The following LRRC7 variants were observed in gnomAD, a reference collection of about 807,000 sequenced individuals.
LRRC7 encodes leucine rich repeat containing 7.
LRRC7 carries 23 observed loss-of-function variants against 175.7 expected under a neutral mutation model. The ratio of observed to expected loss-of-function variants is 0.13; its 90% CI spans 0.09 to 0.19. The LOEUF (loss-of-function observed/expected upper bound fraction) is 0.19. Among genes scored for constraint, LRRC7 ranks in the 10% least tolerant of loss-of-function variants. LRRC7 has a pLI of 1.00. For missense variants in LRRC7, 1,354 were observed against 1,904.7 expected, an observed-to-expected ratio of 0.71 and a Z score of 5.38; for synonymous variants, 685 against 680.9, an observed-to-expected ratio of 1.01 and a Z score of -0.09.
At chr1:69,919,849 G>A in intron 7 of LRRC7, 1 of 689,052 alleles carries the variant, frequency 1.5e-6, no homozygotes, top group Non-Finnish European at 2.5e-6. Flanking sequence ...GAGGATTGGG[G>A]GCCCAGGCCT....
chr1:69,930,820 C>A (rs1454633933), intron 7 of LRRC7, among the ~76,000 whole-genome samples: 1 of 147,770 alleles, frequency 6.8e-6, no homozygotes, highest in Non-Finnish European at 1.5e-5. Context: ...GAGGAACTGT[C>A]AAACACTTAT....
At chr1:69,825,963 T>C (rs1679863756) in intron 5 of LRRC7, 137 bp downstream of exon 5, 4 of 511,502 alleles carry the variant, frequency 7.8e-6, no homozygotes, top group Non-Finnish European at 1.3e-5. Context: ...ATGGGAAAAA[T>C]TAATCAGAAT....
intron 26 of LRRC7, among the ~76,000 whole-genome samples, chr1:70,113,997 C>T (rs1242651353): frequency 4.0e-5 from 6 of 151,616 alleles, no homozygotes; most frequent in South Asian, 2.1e-4. Context: ...CAGTTATTAC[C>T]GTAAATCATT....
At chr1:69,708,417 A>G (rs1041439283) in intron 2 of LRRC7, among the ~76,000 whole-genome samples, 5 of 152,124 alleles carry the variant, frequency 3.3e-5, no homozygotes, top group South Asian at 2.1e-4. Flanking sequence ...GAGTTCCTTA[A>G]AATATACCAC....
At chr1:69,800,433 A>G (rs766223622) in intron 4 of LRRC7, among the ~76,000 whole-genome samples, 5 of 151,936 alleles carry the variant, frequency 3.3e-5, no homozygotes, top group Admixed American at 6.6e-5. Context: ...AGTGTATTGT[A>G]GTTTTCTTTG....
chr1:70,072,076 C>T (rs1292115118), intron 23 of LRRC7, among the ~76,000 whole-genome samples: 1 of 152,108 alleles, frequency 6.6e-6, no homozygotes. Context: ...AGAGTTTTCC[C>T]TGTAAACTTT....
At chr1:69,877,116 TAGAC>T (rs1686113258) in intron 7 of LRRC7, among the ~76,000 whole-genome samples, 1 of 152,078 alleles carries the variant, frequency 6.6e-6, no homozygotes, top group Non-Finnish European at 1.5e-5. Flanking sequence ...AACCATGAGG[TAGAC>T]AGAGAAGAAA....
chr1:70,055,876 C>G (rs1398461164), intron 23 of LRRC7, among the ~76,000 whole-genome samples: 2 of 152,100 alleles, frequency 1.3e-5, no homozygotes, highest in African/African-American at 4.8e-5. Flanking sequence ...ATTCATAGAT[C>G]CAATATCATG....
chr1:69,886,110 A>G (rs1324812977), intron 7 of LRRC7, among the ~76,000 whole-genome samples: 1 of 151,222 alleles, frequency 6.6e-6, no homozygotes, highest in African/African-American at 2.4e-5. Flanking sequence ...TGGGGTGGAG[A>G]GTTCTGTAGA....
intron 26 of LRRC7, among the ~76,000 whole-genome samples, chr1:70,108,769 C>G (rs910258028): frequency 1.3e-5 from 2 of 152,128 alleles, no homozygotes; most frequent in Non-Finnish European, 2.9e-5. Context: ...ATCAGCTATA[C>G]AAACACAGTT....
rs1570654090 is a variant in LRRC7 at position 69,919,833 on chromosome 1, C to A, written c.648-11674C>A. 1.9e-5 allele frequency: 14 copies of A among 726,644 alleles called. No homozygotes were observed. In the East Asian group the frequency reaches 3.5e-4, roughly 18 times the overall value. The allele number at this position is 726,644 out of a possible 1,614,324, so 45.0% of individuals were successfully genotyped here. A position where few individuals can be genotyped will look rare whatever the true frequency, so the allele number is the denominator to read the frequency against. On this transcript the variant is annotated intron_variant, in intron 7 of 26. Transcript: ENST00000651989. ...TCCGGCATCCACGTCATTGTCCGCA[C>A]GGAGTGAGGATTGGGGGCCCAGGCC...
At chr1:69,955,805 C>T (rs769439464) in intron 8 of LRRC7, among the ~76,000 whole-genome samples, 3 of 151,810 alleles carry the variant, frequency 2.0e-5, no homozygotes, top group African/African-American at 4.8e-5. Flanking sequence ...AACCTTGGCC[C>T]TTGTACATTG....
chr1:69,714,065 A>G (rs1453984156), intron 2 of LRRC7, among the ~76,000 whole-genome samples: 1 of 152,116 alleles, frequency 6.6e-6, no homozygotes, highest in Admixed American at 6.6e-5. Context: ...GGTATGTTAT[A>G]TGGACTGGCC....
intron 3 of LRRC7, among the ~76,000 whole-genome samples, chr1:69,783,043 A>AT (rs1265976512): frequency 6.6e-6 from 1 of 152,094 alleles, no homozygotes; most frequent in African/African-American, 2.4e-5. Context: ...TAAAACCCAC[A>AT]TTTTTCATTC....
chr1:69,652,197 AAG>A (rs1179551986), intron 1 of LRRC7, among the ~76,000 whole-genome samples: 1 of 152,120 alleles, frequency 6.6e-6, no homozygotes, highest in Non-Finnish European at 1.5e-5. Flanking sequence ...ACAAATAAGA[AAG>A]AGGTACAATT....
intron 16 of LRRC7, chr1:70,022,514 A>G (rs1657616165): frequency 6.6e-6 from 1 of 152,130 alleles, no homozygotes; most frequent in Admixed American, 6.5e-5. Context: ...TTTGTGTGTT[A>G]TGTGTTCAAG....
intron 1 of LRRC7, among the ~76,000 whole-genome samples, chr1:69,617,829 T>C (rs1343219693): frequency 6.6e-6 from 1 of 152,088 alleles, no homozygotes; most frequent in Non-Finnish European, 1.5e-5. Flanking sequence ...TATAGCTACT[T>C]GGATAACAAG....
At chr1:69,745,115 T>C (rs1278702960) in intron 2 of LRRC7, among the ~76,000 whole-genome samples, 1 of 151,920 alleles carries the variant, frequency 6.6e-6, no homozygotes, top group Non-Finnish European at 1.5e-5. Context: ...GCTATGGCAT[T>C]GGCAGATGAT....
intron 23 of LRRC7, among the ~76,000 whole-genome samples, chr1:70,072,260 G>A (rs17131175): frequency 0.025 from 3,855 of 152,214 alleles, 187 homozygotes; most frequent in African/African-American, 0.089. Flanking sequence ...AAACCTTCAT[G>A]TTCAAATTCC....
Sources: allele counts gnomAD v4.1 joint callset (sites outside exome capture counted in the v4.1 genomes callset), GRCh38; gene constraint gnomAD v4.1.1; transcripts MANE v1.5; gene names NCBI Gene and HGNC (gene_info 2026-07-23, HGNC 2026-07-21).